GSE1: variants seen among roughly 807,000 people sequenced by gnomAD.
GSE1 encodes the protein genetic suppressor element 1.
Under a neutral mutation model 112.6 loss-of-function variants are expected in GSE1, and 32 were observed. That is an observed-to-expected ratio of 0.28 (90% CI 0.21 to 0.38). The LOEUF (loss-of-function observed/expected upper bound fraction) is 0.38, where lower values mean the gene tolerates loss of function less well. Among genes scored for constraint, GSE1 ranks in the 10% least tolerant of loss-of-function variants. GSE1 has a pLI of 1.00. For synonymous variants in GSE1, 1,115 were observed against 735.6 expected, an observed-to-expected ratio of 1.52 and a Z score of -8.35; for missense variants, 2,348 against 1,699.2, an observed-to-expected ratio of 1.38 and a Z score of -6.71.
rs773501016 is a variant in GSE1 at position 85,666,215 on chromosome 16, A to G, written c.2998A>G (p.Ile1000Val). The stretch of plus-strand genomic sequence containing the variant: ...TATCCGGGGCGCTGCACCCAAGGAC[A>G]TTCCTGTGCCGCTGTCCCACAGCAC... ...HYIRGAAPKD[I>V]PVPLSHSTNG... is the part of the protein sequence containing the mutation. Residue 1000 changes from isoleucine (I) to valine (V), a missense_variant, in exon 13 of 16, where the codon ATT becomes GTT. By Grantham distance (29) the Ile-to-Val change is conservative. Transcript: ENST00000253458. 1.9e-5 allele frequency: 31 copies of G among 1,613,734 alleles called. No individual in the cohort carries two copies. The highest frequency in any genetic ancestry group is 2.3e-5 in the Non-Finnish European group (27 of 1,180,048).
At position 85,672,739 on chromosome 16, in the gene GSE1, C is replaced by A; in HGVS notation, c.*200C>A. 2.4e-6 allele frequency: 1 copy of A among 416,348 alleles called. No homozygotes were observed. Among genetic ancestry groups the A allele is most frequent in the Non-Finnish European group, 4.3e-6 (1 of 234,552 alleles). 25.8% of individuals were successfully genotyped at this position (416,348 alleles called of 1,614,324 possible). On this transcript the variant is annotated 3_prime_UTR_variant, in exon 16 of 16. Coordinates refer to ENST00000253458, the MANE Select transcript of GSE1 (RefSeq NM_014615.5). The stretch of plus-strand genomic sequence containing the variant: ...ATGCAATTGAATCACCGTTGTCATT[C>A]AGCGAGCAACCAATGTAGGATTGCC...
At chr16:85,486,781 C>G (rs995160406) in intron 2 of GSE1, among the ~76,000 whole-genome samples, 2 of 152,178 alleles carry the variant, frequency 1.3e-5, no homozygotes, top group Admixed American at 1.3e-4. Context: ...CCCCCAGCCC[C>G]CCGTTCGTGG....
intron 10 of GSE1, 101 bp downstream of exon 10, chr16:85,663,194 T>A (rs2052573656): frequency 8.0e-7 from 1 of 1,255,470 alleles, no homozygotes; most frequent in Non-Finnish European, 1.1e-6. Context: ...TCCTCCGAAG[T>A]CCTGGCGGGT....
In GSE1 at chr16:85,308,900, C is replaced by T. The variant is rs181784211; in HGVS notation, c.2284-48563C>T. ...TGTGCTATCTCGGATGACGTGACAG[C>T]GACAAGCCATTTAGAGTGTGACTTG... On this transcript the variant is annotated intron_variant, in intron 1 of 2. Coordinates refer to the GSE1 transcript ENST00000637419. 3.4e-3 allele frequency among the ~76,000 whole-genome samples: 498 copies of T among 146,960 alleles called. 1 individual carries two copies. Among genetic ancestry groups the T allele is most frequent in the South Asian group, 8.1e-3 (35 of 4,310 alleles).
At chr16:85,596,143 T>C (rs2047217808) in intron 1 of GSE1, among the ~76,000 whole-genome samples, 1 of 151,984 alleles carries the variant, frequency 6.6e-6, no homozygotes, top group African/African-American at 2.4e-5. Context: ...GTAGGATCTT[T>C]TCTCTGGCAG....
intron 1 of GSE1, among the ~76,000 whole-genome samples, chr16:85,250,634 T>C (rs1178963499): frequency 2.6e-5 from 4 of 152,268 alleles, no homozygotes; most frequent in Admixed American, 6.5e-5. Context: ...GTAAGTGCTA[T>C]TTTAAGTGCA....
At chr16:85,548,323 T>C (rs952305191) in intron 2 of GSE1, among the ~76,000 whole-genome samples, 1 of 151,368 alleles carries the variant, frequency 6.6e-6, no homozygotes. Flanking sequence ...TTATAAACTA[T>C]AGTCACCCTA....
intron 2 of GSE1, among the ~76,000 whole-genome samples, chr16:85,528,573 C>T (rs1279363159): frequency 2.0e-5 from 3 of 152,052 alleles, no homozygotes; most frequent in Admixed American, 2.0e-4. Context: ...ATCCTCCTGC[C>T]CCAGCCTCCT....
chr16:85,632,707 A>C (rs2049641113), intron 1 of GSE1, among the ~76,000 whole-genome samples: 1 of 151,700 alleles, frequency 6.6e-6, no homozygotes, highest in Non-Finnish European at 1.5e-5. Flanking sequence ...GGAAGTGCAC[A>C]GTCCGCCCCT....
intron 1 of GSE1, among the ~76,000 whole-genome samples, chr16:85,320,473 T>TTTTGTTTTG (rs1258186426): frequency 5.4e-5 from 3 of 55,890 alleles, no homozygotes; most frequent in African/African-American, 2.2e-4. Flanking sequence ...GTTTTGTTTT[T>TTTTGTTTTG]TTGTAGAAAT....
intron 1 of GSE1, among the ~76,000 whole-genome samples, chr16:85,331,429 A>G (rs1419058656): frequency 7.2e-6 from 1 of 138,828 alleles, no homozygotes; most frequent in East Asian, 2.0e-4. Context: ...ATATGTATAT[A>G]TGTATATATA....
intron 1 of GSE1, among the ~76,000 whole-genome samples, chr16:85,313,024 G>T (rs574114354): frequency 6.6e-6 from 1 of 152,298 alleles, no homozygotes; most frequent in South Asian, 2.1e-4. Flanking sequence ...GGGAGAGGAG[G>T]AGGAGCCACT....
At chr16:85,655,625 G>A (rs573872204) in intron 5 of GSE1, 101 bp from the exon 6 acceptor site, 7 of 700,956 alleles carry the variant, frequency 1.0e-5, no homozygotes, top group East Asian at 2.7e-5. Context: ...CGTTCCCCAC[G>A]CTCAGGCAGG....
chr16:85,567,060 C>T (rs1413685331), intron 1 of GSE1, among the ~76,000 whole-genome samples: 1 of 151,264 alleles, frequency 6.6e-6, no homozygotes, highest in African/African-American at 2.4e-5. Context: ...CCACCCCCAC[C>T]CCCACCCCCC....
At chr16:85,562,688 G>T (rs1035869779) in intron 1 of GSE1, among the ~76,000 whole-genome samples, 1 of 152,224 alleles carries the variant, frequency 6.6e-6, no homozygotes, top group Non-Finnish European at 1.5e-5. Context: ...GCTCCGTGTC[G>T]CTTGCCCATC....
chr16:85,235,470 G>GTT (rs1007804094), intron 1 of GSE1, among the ~76,000 whole-genome samples: 3 of 135,140 alleles, frequency 2.2e-5, no homozygotes, highest in African/African-American at 8.3e-5. Context: ...GTGTGTGTGT[G>GTT]TAGGGGGTGT....
chr16:85,530,426 G>T (rs953415760), intron 2 of GSE1, among the ~76,000 whole-genome samples: 2 of 151,706 alleles, frequency 1.3e-5, no homozygotes, highest in Admixed American at 6.6e-5. Flanking sequence ...ATGTCGGAAA[G>T]AAATAATAAT....
intron 2 of GSE1, among the ~76,000 whole-genome samples, chr16:85,496,409 C>T (rs190741205): frequency 2.2e-4 from 33 of 152,316 alleles, no homozygotes; most frequent in African/African-American, 6.7e-4. Context: ...GAGAGCAGAG[C>T]GATAAGCACT....
intron 2 of GSE1, among the ~76,000 whole-genome samples, chr16:85,639,833 C>T (rs901215744): frequency 2.0e-5 from 3 of 152,242 alleles, no homozygotes. Flanking sequence ...CCGTGTGCAG[C>T]AGGCGGCAGC....
Sources: allele counts gnomAD v4.1 joint callset (sites outside exome capture counted in the v4.1 genomes callset), GRCh38; gene constraint gnomAD v4.1.1; transcripts MANE v1.5; gene names NCBI Gene and HGNC (gene_info 2026-07-23, HGNC 2026-07-21).